Variants in ROR2 observed in about 807,000 individuals in gnomAD.
ROR2 encodes the protein tyrosine-protein kinase transmembrane receptor ROR2.
Under a neutral mutation model 74.9 loss-of-function variants are expected in ROR2, and 33 were observed. The observed-to-expected ratio is 0.44, with a 90% confidence interval of 0.33 to 0.59. The LOEUF is 0.59. Among genes scored for constraint, ROR2 ranks in the 20% least tolerant of loss-of-function variants. The pLI, the probability that ROR2 is intolerant of heterozygous loss-of-function variation, is 0.02. For missense variants in ROR2, 1,216 were observed against 1,313.8 expected (o/e 0.93, Z 1.15); for synonymous variants, 586 against 558.7 (o/e 1.05, Z -0.69).
chr9:91,873,179 TA>T (rs146699087), intron 1 of ROR2, among the ~76,000 whole-genome samples: 11,189 of 151,438 alleles, frequency 0.074, 527 homozygotes, highest in African/African-American at 0.13. Context: ...TTCTTGAACT[TA>T]ACATAAAACT....
intron 1 of ROR2, among the ~76,000 whole-genome samples, chr9:91,834,499 T>C (rs1881385): frequency 0.47 from 71,307 of 152,054 alleles, 19,179 homozygotes; most frequent in African/African-American, 0.73. Flanking sequence ...AGAAGACATA[T>C]TCTCTACACC....
rs544775150 is a variant in ROR2 at position 91,804,500 on chromosome 9, G to C, written c.98-28682C>G. On this transcript the variant is annotated intron_variant, in intron 1 of 8. Coordinates refer to ENST00000375708, the MANE Select transcript of ROR2 (RefSeq NM_004560.4). ...GTGTCAAGGGCTTAGCACCCCTGCG[G>C]CCGTCCTTGGAGACTGCATGCTCAT... Among the ~76,000 whole-genome samples the C allele has an allele frequency of 2.0e-3, 304 of 152,318 alleles. 2 individuals carry two copies. Among genetic ancestry groups the C allele is most frequent in the African/African-American group, 6.8e-3 (283 of 41,562 alleles).
intron 1 of ROR2, among the ~76,000 whole-genome samples, chr9:91,889,510 T>C (rs17516460): frequency 0.028 from 4,242 of 152,302 alleles, 95 homozygotes; most frequent in South Asian, 0.057. Context: ...CTAGAGCTGC[T>C]GACCCTCTCT....
intron 1 of ROR2, among the ~76,000 whole-genome samples, chr9:91,786,158 CA>C (rs35972600): frequency 2.5e-3 from 143 of 56,540 alleles, no homozygotes; most frequent in African/African-American, 9.0e-3. Flanking sequence ...CTGTTTCTAC[CA>C]AAAAAAAAAA....
At chr9:91,741,634 ATTGTT>A in intron 4 of ROR2, among the ~76,000 whole-genome samples, 1 of 152,220 alleles carries the variant, frequency 6.6e-6, no homozygotes, top group East Asian at 1.9e-4. Flanking sequence ...TTTTCCCCTA[ATTGTT>A]TTGTTACAAA....
intron 2 of ROR2, among the ~76,000 whole-genome samples, chr9:91,766,601 T>C (rs1326348199): frequency 5.3e-5 from 8 of 152,202 alleles, no homozygotes; most frequent in East Asian, 1.9e-4. Flanking sequence ...TCTTTCTCCA[T>C]TGGTGTTTAA....
At chr9:91,887,790 T>C (rs929813475) in intron 1 of ROR2, among the ~76,000 whole-genome samples, 1 of 135,554 alleles carries the variant, frequency 7.4e-6, no homozygotes, top group Non-Finnish European at 1.6e-5. Flanking sequence ...TTTTTTCTCT[T>C]TTTTTTTTTT....
In ROR2 at chr9:91,935,610, G is replaced by A. The variant is rs75356824; in HGVS notation, c.97+14257C>T. ...TTTGTTTTTGCCCAGGTCCCTGTAAGAGAAACAAAGGCCCTAGGACGGGCA... is the reference window on the plus strand; with the variant it reads ...TTTGTTTTTGCCCAGGTCCCTGTAAAAGAAACAAAGGCCCTAGGACGGGCA... On this transcript the variant is annotated intron_variant, in intron 1 of 8. Transcript: ENST00000375708. 9.6e-3 allele frequency among the ~76,000 whole-genome samples: 1,470 copies of A among 152,346 alleles called. 19 individuals are homozygous for A. Among genetic ancestry groups the A allele is most frequent in the African/African-American group, 0.033 (1,362 of 41,584 alleles).
intron 1 of ROR2, among the ~76,000 whole-genome samples, chr9:91,792,202 C>G (rs1019764920): frequency 1.3e-5 from 2 of 151,766 alleles, no homozygotes; most frequent in African/African-American, 4.8e-5. Flanking sequence ...CAAACTAAAC[C>G]TAAAGCTAGC....
rs1399140978 is a variant in ROR2 at position 91,725,063 on chromosome 9, C to T, written c.1431G>A (p.Glu477=). The T allele has an allele frequency of 1.4e-5, 22 of 1,613,982 alleles. No individual in the cohort carries two copies. Among genetic ancestry groups the T allele is most frequent in the Non-Finnish European group, 1.8e-5 (21 of 1,180,058 alleles). ...EISLSAVRFM[E]ELGEDRFGKV... is the part of the protein sequence containing the mutation. ...TCCCAAACCGGTCCTCTCCCAGCTC[C>T]TCCATGAACCTCACCGCAGACAGGC... The change falls in exon 9 of 9, where the codon GAG becomes GAA. Residue 477 remains glutamate (E), a synonymous_variant. Coordinates refer to ENST00000375708, the MANE Select transcript of ROR2 (RefSeq NM_004560.4).
In ROR2 at chr9:91,724,717, C is replaced by G. The variant is rs146067291; in HGVS notation, c.1777G>C (p.Val593Leu). The G allele has an allele frequency of 1.6e-5, 26 of 1,614,066 alleles. No homozygotes were observed. In the South Asian group the frequency reaches 2.2e-4, roughly 14 times the overall value. The change falls in exon 9 of 9, where the codon GTG (valine) becomes CTG (leucine). Residue 593 changes from valine to leucine, a missense_variant. By Grantham distance (32) the Val-to-Leu change is conservative (BLOSUM62 1). Coordinates refer to ENST00000375708, the MANE Select transcript of ROR2 (RefSeq NM_004560.4). ...GCCGCGATCTGTGCCACAAGGTGCA[C>G]GAAGTCGGGGGGCTCCAGGGCGGAC... ...VKSALEPPDF[V>L]HLVAQIAAGM...
chr9:91,851,961 G>T (rs1404393210), intron 1 of ROR2, among the ~76,000 whole-genome samples: 1 of 142,550 alleles, frequency 7.0e-6, no homozygotes, highest in Non-Finnish European at 1.5e-5. Flanking sequence ...GGGTGACGGT[G>T]CAAGACTCTG....
chr9:91,740,660 A>G (rs1587674005), intron 4 of ROR2, among the ~76,000 whole-genome samples: 1 of 151,906 alleles, frequency 6.6e-6, no homozygotes, highest in African/African-American at 2.4e-5. Context: ...GAATTGTCTG[A>G]GAAAACTATG....
chr9:91,728,395 G>T (rs1837116075), intron 7 of ROR2, among the ~76,000 whole-genome samples: 1 of 151,838 alleles, frequency 6.6e-6, no homozygotes, highest in African/African-American at 2.4e-5. Context: ...AATGTTGAAT[G>T]AACTTTATTT....
chr9:91,747,508 G>A (rs1033033408), intron 4 of ROR2, among the ~76,000 whole-genome samples: 6 of 152,206 alleles, frequency 3.9e-5, no homozygotes, highest in Non-Finnish European at 8.8e-5. Context: ...AAGCCAAGGC[G>A]ATACTACTAT....
intron 1 of ROR2, among the ~76,000 whole-genome samples, chr9:91,790,512 TAAA>T (rs60624626): frequency 2.9e-5 from 4 of 137,454 alleles, no homozygotes; most frequent in Admixed American, 7.2e-5. Context: ...CCGTCTCAAT[TAAA>T]AAAAAAAAAA....
At chr9:91,853,997 C>T (rs111289337) in intron 1 of ROR2, among the ~76,000 whole-genome samples, 4,477 of 117,680 alleles carry the variant, frequency 0.038, 162 homozygotes, top group African/African-American at 0.14. Context: ...GGAGATGAAG[C>T]CAGGGGGCCC....
chr9:91,898,211 A>G (rs1349922320), intron 1 of ROR2, among the ~76,000 whole-genome samples: 1 of 152,222 alleles, frequency 6.6e-6, no homozygotes, highest in Non-Finnish European at 1.5e-5. Flanking sequence ...TCTTGTGTCC[A>G]GAGCCTTTCT....
At chr9:91,760,040 A>T (rs1397352581) in intron 2 of ROR2, among the ~76,000 whole-genome samples, 3 of 152,134 alleles carry the variant, frequency 2.0e-5, no homozygotes, top group Non-Finnish European at 4.4e-5. Flanking sequence ...TTTTTCTCTA[A>T]CCTCCCCACA....
Sources: allele counts gnomAD v4.1 joint callset (sites outside exome capture counted in the v4.1 genomes callset), GRCh38; gene constraint gnomAD v4.1.1; transcripts MANE v1.5; gene names NCBI Gene and HGNC (gene_info 2026-07-23, HGNC 2026-07-21).